IRAG2: variants seen among roughly 807,000 people sequenced by gnomAD.
IRAG2 encodes the protein inositol 1,4,5-triphosphate receptor associated 2, also known as lymphoid restricted membrane protein.
A neutral mutation model predicts 69.9 loss-of-function variants in IRAG2; 45 were observed. That is an observed-to-expected ratio of 0.64 (90% CI 0.51 to 0.83). The LOEUF (loss-of-function observed/expected upper bound fraction) is 0.83, where lower values mean the gene tolerates loss of function less well. Ranked by LOEUF, IRAG2 falls within the 40% of genes least tolerant of loss-of-function variation. The pLI is 0.00. For synonymous variants in IRAG2, 193 were observed against 202.4 expected, an observed-to-expected ratio of 0.95 and a Z score of 0.40; for missense variants, 520 against 587.0, an observed-to-expected ratio of 0.89 and a Z score of 1.18.
chr12:25,021,862 A>C (rs1208537911), intron 7 of IRAG2, among the ~76,000 whole-genome samples: 2 of 152,220 alleles, frequency 1.3e-5, no homozygotes, highest in Non-Finnish European at 2.9e-5. Flanking sequence ...CTCAGTAGTA[A>C]AATATGGGGA....
chr12:25,104,373 G>T lies in IRAG2; in HGVS notation c.1059G>T (p.Gly353=), dbSNP rs768168654. Residue 353 remains glycine, a synonymous_variant, in exon 20 of 22, where the codon GGG becomes GGT. Transcript: ENST00000556887. ...CATCTTTATTTAGGCGTATTTTGGG[G>T]TCAAAGCAGAGTGAACACCGTCCCT... The part of the protein sequence containing the change: ...SRRSSSWRIL[G]SKQSEHRPSL... 1 of 1,609,336 alleles carries T rather than the reference G, an allele frequency of 6.2e-7. No individual in the cohort carries two copies. The highest frequency in any genetic ancestry group is 8.5e-7 in the Non-Finnish European group (1 of 1,175,754).
chr12:25,079,284 A>T lies in IRAG2; in HGVS notation c.65A>T (p.Gln22Leu). The T allele has an allele frequency of 6.2e-7, 1 of 1,614,106 alleles. No individual in the cohort carries two copies. The highest frequency in any genetic ancestry group is 8.5e-7 in the Non-Finnish European group (1 of 1,179,970). ...CGCGTGTGTCCTGAGAGCCTGCTGC[A>T]GTCCAGGTTTGCTTGTTTGTGTTGT... ...VERVCPESLL[Q>L]SREYSSLPLP... The change falls in exon 7 of 22, where the codon CAG becomes CTG. Residue 22 changes from glutamine to leucine, a missense_variant. By Grantham distance (113) the Gln-to-Leu change is moderately radical. Transcript: ENST00000556887.
chr12:25,062,640 C>T (rs1289089089), intron 2 of IRAG2, among the ~76,000 whole-genome samples, 180 bp from the exon 3 acceptor site: 2 of 152,132 alleles, frequency 1.3e-5, no homozygotes, highest in East Asian at 1.9e-4. Flanking sequence ...AGTAATGGGG[C>T]AAATACAATG....
chr12:25,073,853 GGT>G (rs1946488587), intron 6 of IRAG2, among the ~76,000 whole-genome samples: 1 of 152,200 alleles, frequency 6.6e-6, no homozygotes, highest in South Asian at 2.1e-4. Flanking sequence ...TTCAAAACAA[GGT>G]TTAGAGGGTG....
intron 3 of IRAG2, among the ~76,000 whole-genome samples, chr12:25,013,907 C>T (rs1323282118): frequency 2.9e-4 from 31 of 107,708 alleles, no homozygotes; most frequent in Non-Finnish European, 4.2e-4. Flanking sequence ...CAGAGTCTCG[C>T]TCTGTTGCCC....
At chr12:25,059,536 T>C (rs1485995144) in intron 1 of IRAG2, among the ~76,000 whole-genome samples, 2 of 152,104 alleles carry the variant, frequency 1.3e-5, no homozygotes, top group African/African-American at 4.8e-5. Flanking sequence ...GTATTTTTAG[T>C]AGAGACAAGG....
In IRAG2 at chr12:25,079,764, G is replaced by A. The variant is rs144779350; in HGVS notation, c.244+1G>A. 2.5e-6 allele frequency: 4 copies of A among 1,594,358 alleles called. No individual in the cohort carries two copies. The highest frequency in any genetic ancestry group is 3.4e-6 in the Non-Finnish European group (4 of 1,162,134). Reference sequence around the variant, plus strand: ...GCTTCTCCCACGATAGAGGCCCAAGGTAAAATGTTGACAGGTGTAAGCATG... The same window carrying A: ...GCTTCTCCCACGATAGAGGCCCAAGATAAAATGTTGACAGGTGTAAGCATG... On this transcript the variant is annotated splice_donor_variant, in intron 9 of 21. Coordinates refer to ENST00000556887, the MANE Select transcript of IRAG2 (RefSeq NM_001366544.2). LOFTEE classifies it high-confidence loss of function.
intron 19 of IRAG2, 137 bp from the exon 20 acceptor site, chr12:25,104,224 G>T: frequency 1.2e-6 from 1 of 837,390 alleles, no homozygotes. Flanking sequence ...TTATCATAAA[G>T]TAGGAGATCT....
intron 14 of IRAG2, 113 bp from the exon 15 acceptor site, chr12:25,096,797 C>T: frequency 2.6e-6 from 2 of 759,158 alleles, no homozygotes; most frequent in East Asian, 2.7e-5. Context: ...TTTTCATCTT[C>T]CACCGAAATA....
At chr12:25,014,727 A>G (rs984267395) in intron 3 of IRAG2, among the ~76,000 whole-genome samples, 1 of 152,012 alleles carries the variant, frequency 6.6e-6, no homozygotes, top group African/African-American at 2.4e-5. Flanking sequence ...AATGTATCCC[A>G]AAGTATTCAT....
intron 2 of IRAG2, chr12:25,011,299 G>T: frequency 2.6e-6 from 3 of 1,168,668 alleles, no homozygotes; most frequent in Non-Finnish European, 3.2e-6. Flanking sequence ...ACATTAAAGA[G>T]ATAGGTGCTT....
At position 25,104,430 on chromosome 12, in the gene IRAG2, G is replaced by C; in HGVS notation, c.1116G>C (p.Trp372Cys). 6.2e-7 allele frequency: 1 copy of C among 1,612,800 alleles called. No homozygotes were observed. Residue 372 changes from tryptophan to cysteine, a missense_variant, in exon 20 of 22, where the codon TGG (tryptophan) becomes TGC (cysteine). Trp to Cys is a radical substitution (Grantham distance 215). Transcript: ENST00000556887. Reference protein sequence around the residue: ...SLPRFISTYSWADAEEEKCEL... With the variant: ...SLPRFISTYSCADAEEEKCEL... Reference sequence around the variant, plus strand: ...CTCGATTTATTAGCACCTATTCCTGGGCAGATGCTGAAGAAGAAAAATGTG... The same window carrying C: ...CTCGATTTATTAGCACCTATTCCTGCGCAGATGCTGAAGAAGAAAAATGTG...
intron 5 of IRAG2, among the ~76,000 whole-genome samples, chr12:25,068,322 C>T (rs900825994): frequency 6.6e-6 from 1 of 152,092 alleles, no homozygotes; most frequent in East Asian, 1.9e-4. Context: ...AGAGATACAT[C>T]GGAAAGGTTT....
At chr12:25,061,453 A>T (rs1384561955) in intron 1 of IRAG2, 139 bp from the exon 2 acceptor site, 5 of 392,844 alleles carry the variant, frequency 1.3e-5, no homozygotes, top group Non-Finnish European at 2.2e-5. Context: ...TCAGCCCAGG[A>T]GGCAGAGTTT....
At chr12:25,033,389 A>G (rs536764002) in intron 12 of IRAG2, among the ~76,000 whole-genome samples, 2 of 152,342 alleles carry the variant, frequency 1.3e-5, no homozygotes, top group Admixed American at 1.3e-4. Context: ...CCACTCAGAT[A>G]ACAAAAATGA....
intron 10 of IRAG2, among the ~76,000 whole-genome samples, chr12:25,087,016 C>T (rs773818310): frequency 4.6e-5 from 7 of 152,108 alleles, no homozygotes; most frequent in Non-Finnish European, 8.8e-5. Context: ...TAGAAAACTC[C>T]ATGTGATAGC....
At chr12:25,088,048 G>T in intron 10 of IRAG2, 52 bp from the exon 11 acceptor site, 3 of 1,304,368 alleles carry the variant, frequency 2.3e-6, no homozygotes, top group East Asian at 2.3e-5. Flanking sequence ...GAAAATGACT[G>T]GTTATGAAGT....
At chr12:25,043,805 G>A (rs1232525089) in intron 16 of IRAG2, among the ~76,000 whole-genome samples, 1 of 152,100 alleles carries the variant, frequency 6.6e-6, no homozygotes, top group Non-Finnish European at 1.5e-5. Context: ...CTAATGCATA[G>A]TTAAAAAGAG....
At position 25,007,185 on chromosome 12, in the gene IRAG2, A is replaced by C. The variant is rs572229335; in HGVS notation, c.688+1831A>C. ...AACCCTGCTCATTTTCCTCTCCTCT[A>C]CTCTGGATTATTTTGAGGCAAATCG... On this transcript the variant is annotated intron_variant, in intron 2 of 38. Coordinates refer to the IRAG2 transcript ENST00000636465. Among the ~76,000 whole-genome samples the C allele has an allele frequency of 1.7e-4, 26 of 152,240 alleles. No homozygotes were observed. The South Asian group carries it at 5.4e-3, about 32-fold the overall frequency.
Sources: allele counts gnomAD v4.1 joint callset (sites outside exome capture counted in the v4.1 genomes callset), GRCh38; gene constraint gnomAD v4.1.1; transcripts MANE v1.5; gene names NCBI Gene and HGNC (gene_info 2026-07-23, HGNC 2026-07-21).